The following SULT1C4 variants were observed in gnomAD, a reference collection of about 807,000 sequenced individuals.
SULT1C4 encodes sulfotransferase family 1C member 4, also known as sulfotransferase 1C4.
Under a neutral mutation model 34.8 loss-of-function variants are expected in SULT1C4, and 32 were observed. The ratio of observed to expected loss-of-function variants is 0.92; its 90% confidence interval spans 0.69 to 1.23. The LOEUF (loss-of-function observed/expected upper bound fraction) is 1.23. SULT1C4 is among the 50% of genes most tolerant of loss of function. The pLI is 0.00. For missense variants in SULT1C4, 375 were observed against 365.9 expected, an observed-to-expected ratio of 1.02 and a Z score of -0.20; for synonymous variants, 111 against 120.5, an observed-to-expected ratio of 0.92 and a Z score of 0.51.
At position 108,388,618 on chromosome 2, in the gene SULT1C4, T is replaced by A. The variant is rs1010010428; in HGVS notation, c.*1186T>A. 5.9e-5 allele frequency among the ~76,000 whole-genome samples: 9 copies of A among 152,210 alleles called. No individual in the cohort carries two copies. Among genetic ancestry groups the A allele is most frequent in the African/African-American group, 1.4e-4 (6 of 41,444 alleles). ...TCAAAATCCTTCAATGGCTGAACTT[T>A]CACTGCCTGAAAGATAAATCCCAAG... On this transcript the variant is annotated 3_prime_UTR_variant, in exon 7 of 7. Coordinates refer to ENST00000272452, the MANE Select transcript of SULT1C4 (RefSeq NM_006588.4).
chr2:108,388,723 C>G lies in SULT1C4; in HGVS notation c.*1291C>G, dbSNP rs149045998. Among the ~76,000 whole-genome samples the G allele has an allele frequency of 5.9e-5, 9 of 152,272 alleles. No individual in the cohort carries two copies. In the East Asian group the frequency reaches 1.7e-3, roughly 29 times the overall value. Reference sequence around the variant, plus strand: ...CTTCCAGCTTCACCTTCCAAACCACCTCCATATTCCAGCAAATTAGCCTAC... The same window carrying G: ...CTTCCAGCTTCACCTTCCAAACCACGTCCATATTCCAGCAAATTAGCCTAC... On this transcript the variant is annotated 3_prime_UTR_variant, in exon 7 of 7. Coordinates refer to ENST00000272452, the MANE Select transcript of SULT1C4 (RefSeq NM_006588.4).
Position 108,380,576 on chromosome 2 carries a change from T to C in SULT1C4, c.170-1186T>C, listed in dbSNP as rs1031152247. Among the ~76,000 whole-genome samples the C allele has an allele frequency of 3.9e-5, 6 of 152,172 alleles. No individual in the cohort carries two copies. The East Asian group carries it at 1.2e-3, about 29-fold the overall frequency. The stretch of plus-strand genomic sequence containing the variant: ...ACTCAACATCCTCCTAACCTGGATT[T>C]TGCCAGAACATCTGGTGCAACAGAT... On this transcript the variant is annotated intron_variant, in intron 1 of 6. Coordinates refer to ENST00000272452, the MANE Select transcript of SULT1C4 (RefSeq NM_006588.4).
intron 6 of SULT1C4, 125 bp downstream of exon 6, chr2:108,386,497 G>C: frequency 3.9e-6 from 3 of 760,140 alleles, no homozygotes; most frequent in Non-Finnish European, 5.5e-6. Flanking sequence ...GGGAAAAGAA[G>C]TATTTAAGAA....
rs750068930 is a variant in SULT1C4 at position 108,383,099 on chromosome 2, T to C, written c.400T>C (p.Tyr134His). 4.4e-6 allele frequency: 7 copies of C among 1,586,906 alleles called. No homozygotes were observed. In the South Asian group the frequency reaches 7.1e-5, roughly 16 times the overall value. Reference protein sequence around the residue: ...SLLEKNCKIIYVARNPKDNMV... With the variant: ...SLLEKNCKIIHVARNPKDNMV... ...CTCCCCTCATCATTCCCAGATAATC[T>C]ATGTAGCAAGAAATCCCAAGGACAA... Residue 134 changes from tyrosine (Y) to histidine (H), a missense_variant, in exon 4 of 7, where the codon TAT becomes CAT. Tyr to His is a moderately conservative substitution (Grantham distance 83). Transcript: ENST00000272452.
Position 108,378,367 on chromosome 2 carries a change from A to G in SULT1C4, c.30A>G (p.Thr10=). MALHDMEDF[T]FDGTKRLSVN... ...CCTTACACGACATGGAGGATTTTAC[A>G]TTTGATGGAACAAAGCGCTTAAGTG... The change falls in exon 1 of 7, where the codon ACA becomes ACG. Residue 10 remains threonine, a synonymous_variant. Transcript: ENST00000272452. The G allele has an allele frequency of 6.2e-7, 1 of 1,614,118 alleles. No individual in the cohort carries two copies. Among genetic ancestry groups the G allele is most frequent in the Non-Finnish European group, 8.5e-7 (1 of 1,180,000 alleles).
Position 108,387,841 on chromosome 2 carries a change from G to C in SULT1C4, c.*409G>C, listed in dbSNP as rs935351647. The C allele has an allele frequency of 3.3e-5, 5 of 152,686 alleles. No homozygotes were observed. Among genetic ancestry groups the C allele is most frequent in the African/African-American group, 1.2e-4 (5 of 40,188 alleles). The allele number at this position is 152,686 out of a possible 1,614,324, so 9.5% of individuals were successfully genotyped here. A position where few individuals can be genotyped will look rare whatever the true frequency, so the allele number is the denominator to read the frequency against. Reference sequence around the variant, plus strand: ...AGACGGAGTCTCGCTCTGTCGCCCAGGCTGGAGTGCAGTGGCACGATCTCG... The same window carrying C: ...AGACGGAGTCTCGCTCTGTCGCCCACGCTGGAGTGCAGTGGCACGATCTCG... On this transcript the variant is annotated 3_prime_UTR_variant, in exon 7 of 7. Coordinates refer to ENST00000272452, the MANE Select transcript of SULT1C4 (RefSeq NM_006588.4).
chr2:108,388,464 C>A lies in SULT1C4; in HGVS notation c.*1032C>A, dbSNP rs1180077086. On this transcript the variant is annotated 3_prime_UTR_variant, in exon 7 of 7. Transcript: ENST00000272452. ...TTTTCCTTCTATTTCTATAGCCACC[C>A]TTCTGGTTCACAAACCTTTTACTTC... Among the ~76,000 whole-genome samples the A allele has an allele frequency of 6.6e-6, 1 of 152,216 alleles. No homozygotes were observed. Among genetic ancestry groups the A allele is most frequent in the Non-Finnish European group, 1.5e-5 (1 of 68,028 alleles).
chr2:108,378,558 G>A (rs757473527), intron 1 of SULT1C4, 52 bp downstream of exon 1: 1 of 1,578,004 alleles, frequency 6.3e-7, no homozygotes, highest in Non-Finnish European at 8.6e-7. Context: ...AGGAAGGTAA[G>A]TGGAAGTATG....
Position 108,382,017 on chromosome 2 carries a change from CTG to C in SULT1C4, c.295+134_295+135del, listed in dbSNP as rs1364664889. On this transcript the variant is annotated intron_variant, in intron 2 of 6. Transcript: ENST00000272452. ...GTTTCATGGTTTTGTCTTTTTTTAA[CTG>C]TGTCTGGCCATTGTTATACTCCAGA... 2.9e-6 allele frequency: 3 copies of C among 1,041,882 alleles called. No homozygotes were observed. The African/African-American group carries it at 5.0e-5, about 17-fold the overall frequency. 64.5% of individuals were successfully genotyped at this position (1,041,882 alleles called of 1,614,324 possible).
At chr2:108,381,022 A>C (rs1471761496) in intron 1 of SULT1C4, among the ~76,000 whole-genome samples, 1 of 152,296 alleles carries the variant, frequency 6.6e-6, no homozygotes, top group East Asian at 1.9e-4. Flanking sequence ...TCAAGCCCTA[A>C]TGGTTCACTC....
chr2:108,378,350 G>T lies in SULT1C4; in HGVS notation c.13G>T (p.Asp5Tyr), dbSNP rs923195067. ...ATTTCTTACACTAATGGCCTTACAC[G>T]ACATGGAGGATTTTACATTTGATGG... MALHDMEDFTFDGTK... is the reference protein window; with the variant it reads MALHYMEDFTFDGTK... Residue 5 changes from aspartate (D) to tyrosine (Y), a missense_variant, in exon 1 of 7, where the codon GAC becomes TAC. Physicochemically the swap from Asp to Tyr is radical, Grantham distance 160 (BLOSUM62 -3). Coordinates refer to ENST00000272452, the MANE Select transcript of SULT1C4 (RefSeq NM_006588.4). 1 of 1,613,836 alleles carries T rather than the reference G, an allele frequency of 6.2e-7. No individual in the cohort carries two copies. Among genetic ancestry groups the T allele is most frequent in the East Asian group, 2.2e-5 (1 of 44,884 alleles).
At position 108,387,421 on chromosome 2, in the gene SULT1C4, T is replaced by C. The variant is rs181231789; in HGVS notation, c.898T>C (p.Phe300Leu). Reference sequence around the variant, plus strand: ...GACTGATACCAGACTAACTTTCCACTTCCAGTTCTAGTAAGGAAGAAAAAC... The same window carrying C: ...GACTGATACCAGACTAACTTTCCACCTCCAGTTCTAGTAAGGAAGAAAAAC... ...KMTDTRLTFH[F>L]QF The change falls in exon 7 of 7, where the codon TTC becomes CTC. Residue 300 changes from phenylalanine to leucine, a missense_variant. By Grantham distance (22) the Phe-to-Leu change is conservative (BLOSUM62 0). Coordinates refer to ENST00000272452, the MANE Select transcript of SULT1C4 (RefSeq NM_006588.4). The C allele has an allele frequency of 1.9e-6, 3 of 1,610,068 alleles. No homozygotes were observed. Among genetic ancestry groups the C allele is most frequent in the Admixed American group, 3.4e-5 (2 of 59,664 alleles).
chr2:108,382,199 A>T, intron 2 of SULT1C4, 186 bp from the exon 3 acceptor site: 1 of 612,586 alleles, frequency 1.6e-6, no homozygotes, highest in Non-Finnish European at 2.9e-6. Flanking sequence ...GATGACTGTT[A>T]TGGTTAGGAA....
In SULT1C4 at chr2:108,378,483, T is replaced by C. The variant is rs775290089; in HGVS notation, c.146T>C (p.Leu49Pro). Residue 49 changes from leucine to proline, a missense_variant, in exon 1 of 7, where the codon CTT becomes CCT. Transcript: ENST00000272452. ...WNFQAKPDDL[L>P]ISTYPKAGTT... ...TTCCAAGCCAAGCCTGATGACCTGC[T>C]TATTTCTACCTATCCTAAAGCAGGT... 1 of 1,613,994 alleles carries C rather than the reference T, an allele frequency of 6.2e-7. No homozygotes were observed. Among genetic ancestry groups the C allele is most frequent in the African/African-American group, 1.3e-5 (1 of 74,894 alleles).
intron 6 of SULT1C4, among the ~76,000 whole-genome samples, 181 bp downstream of exon 6, chr2:108,386,553 A>G (rs1056554608): frequency 1.3e-5 from 2 of 152,228 alleles, no homozygotes; most frequent in Admixed American, 6.5e-5. Flanking sequence ...AATTATTATT[A>G]AGATTAAGAG....
In SULT1C4 at chr2:108,387,493, A is replaced by C; in HGVS notation, c.*61A>C. ...CCCAGTATATTTGGGTAATAATGAA[A>C]GTTTAATTCTCATAACAAATGATAT... is the stretch of plus-strand genomic sequence containing the variant. On this transcript the variant is annotated 3_prime_UTR_variant, in exon 7 of 7. Coordinates refer to ENST00000272452, the MANE Select transcript of SULT1C4 (RefSeq NM_006588.4). 2 of 1,079,372 alleles carry C rather than the reference A, an allele frequency of 1.9e-6. No individual in the cohort carries two copies. The highest frequency in any genetic ancestry group is 2.7e-6 in the Non-Finnish European group (2 of 729,532). The allele number at this position is 1,079,372 out of a possible 1,614,324, so 66.9% of individuals were successfully genotyped here.
In SULT1C4 at chr2:108,378,296, G is replaced by C. The variant is rs1313202841; in HGVS notation, c.-42G>C. 6.3e-7 allele frequency: 1 copy of C among 1,589,184 alleles called. No individual in the cohort carries two copies. Among genetic ancestry groups the C allele is most frequent in the Admixed American group, 1.7e-5 (1 of 58,860 alleles). On this transcript the variant is annotated 5_prime_UTR_variant, in exon 1 of 7. Coordinates refer to ENST00000272452, the MANE Select transcript of SULT1C4 (RefSeq NM_006588.4). Reference sequence around the variant, plus strand: ...ACAACGCAGCCATATGCTGACTGAAGATAACTTTGTGTCTGGAAGAGCCCT... The same window carrying C: ...ACAACGCAGCCATATGCTGACTGAACATAACTTTGTGTCTGGAAGAGCCCT...
At position 108,386,382 on chromosome 2, in the gene SULT1C4, G is replaced by A. The variant is rs545645398; in HGVS notation, c.796+10G>A. ...CCATTCATGAGAAAAGGTTTTTATA[G>A]TTTATTTTCATTATAATCTTAAAAG... On this transcript the variant is annotated intron_variant, in intron 6 of 6. Transcript: ENST00000272452. 1 of 1,420,188 alleles carries A rather than the reference G, an allele frequency of 7.0e-7. No individual in the cohort carries two copies. Among genetic ancestry groups the A allele is most frequent in the Non-Finnish European group, 9.3e-7 (1 of 1,077,926 alleles). 88.0% of individuals were successfully genotyped at this position (1,420,188 alleles called of 1,614,324 possible).
intron 1 of SULT1C4, among the ~76,000 whole-genome samples, chr2:108,379,824 T>G (rs941087400): frequency 1.3e-5 from 2 of 152,176 alleles, no homozygotes; most frequent in African/African-American, 4.8e-5. Flanking sequence ...ATCACTGGCC[T>G]CTAGAGAATA....
Sources: gnomAD v4.1 joint callset for allele counts (sites outside exome capture counted in the v4.1 genomes callset) on GRCh38, gnomAD v4.1.1 for gene constraint, MANE v1.5 for transcripts, NCBI Gene and HGNC (gene_info 2026-07-23, HGNC 2026-07-21) for gene names.